The following ABCC6 variants were observed in gnomAD, a reference collection of about 807,000 sequenced individuals.
The protein encoded by ABCC6 is ATP binding cassette subfamily C member 6.
A neutral mutation model predicts 169.5 loss-of-function variants in ABCC6; 126 were observed. That is an observed-to-expected ratio of 0.74 (90% CI 0.64 to 0.86). The LOEUF (loss-of-function observed/expected upper bound fraction) is 0.86, where lower values mean the gene tolerates loss of function less well. Ranked by LOEUF, ABCC6 falls within the 40% of genes least tolerant of loss-of-function variation. The pLI, the probability that ABCC6 is intolerant of heterozygous loss-of-function variation, is 0.00. For synonymous variants in ABCC6, 752 were observed against 814.7 expected (o/e 0.92, Z 1.31); for missense variants, 1,733 against 1,927.2 (o/e 0.90, Z 1.89).
intron 4 of ABCC6, among the ~76,000 whole-genome samples, chr16:16,216,608 C>T (rs2048884731): frequency 6.6e-6 from 1 of 151,798 alleles, no homozygotes; most frequent in Non-Finnish European, 1.5e-5. Flanking sequence ...GCTTCCAAAT[C>T]TTGTTTATTG....
At chr16:16,211,781 C>T (rs988799529) in intron 6 of ABCC6, among the ~76,000 whole-genome samples, 1 of 152,114 alleles carries the variant, frequency 6.6e-6, no homozygotes, top group South Asian at 2.1e-4. Context: ...GGGCTTAGCA[C>T]ATAGTAGGTG....
chr16:16,162,845 T>G, intron 24 of ABCC6, 148 bp downstream of exon 24: 15 of 1,061,164 alleles, frequency 1.4e-5, no homozygotes, highest in East Asian at 2.4e-5. Flanking sequence ...CTGCCCACGG[T>G]GAGAACTGAT....
intron 7 of ABCC6, among the ~76,000 whole-genome samples, chr16:16,206,697 A>T (rs573658235): frequency 6.6e-6 from 1 of 152,018 alleles, no homozygotes; most frequent in South Asian, 2.1e-4. Context: ...AGGATTCTCA[A>T]ACTGTTCTGG....
intron 29 of ABCC6, among the ~76,000 whole-genome samples, chr16:16,154,057 T>G (rs887120325): frequency 6.6e-6 from 1 of 151,954 alleles, no homozygotes; most frequent in Non-Finnish European, 1.5e-5. Context: ...TCAAGCGTTC[T>G]TCCCACCTCA....
intron 7 of ABCC6, among the ~76,000 whole-genome samples, chr16:16,206,285 G>C: frequency 6.6e-6 from 1 of 152,094 alleles, no homozygotes; most frequent in East Asian, 1.9e-4. Flanking sequence ...AAGGCAGGGG[G>C]TATGCATGAG....
At chr16:16,195,515 G>A (rs2048007111) in intron 10 of ABCC6, among the ~76,000 whole-genome samples, 1 of 151,956 alleles carries the variant, frequency 6.6e-6, no homozygotes, top group African/African-American at 2.4e-5. Context: ...GTTTTGCCAT[G>A]TTGGCCAGGC....
In ABCC6 at chr16:16,219,326, G is replaced by A. The variant is rs575592394; in HGVS notation, c.474+228C>T. 7.2e-5 allele frequency among the ~76,000 whole-genome samples: 11 copies of A among 152,272 alleles called. No homozygotes were observed. The East Asian group carries it at 7.7e-4, about 11-fold the overall frequency. Reference sequence around the variant, plus strand: ...TGTGTGCATCGTGTGCAAGTGGCACGTGTGATGTGGGCCTGTAAGACAGGA... The same window carrying A: ...TGTGTGCATCGTGTGCAAGTGGCACATGTGATGTGGGCCTGTAAGACAGGA... On this transcript the variant is annotated intron_variant, in intron 4 of 30. Transcript: ENST00000205557.
chr16:16,152,859 C>T (rs1333245763), intron 29 of ABCC6, among the ~76,000 whole-genome samples: 1 of 151,960 alleles, frequency 6.6e-6, no homozygotes, highest in African/African-American at 2.4e-5. Flanking sequence ...CGGACACCCT[C>T]AGGGTCAGAG....
chr16:16,151,773 C>T (rs1007592893), intron 29 of ABCC6, among the ~76,000 whole-genome samples: 1 of 152,168 alleles, frequency 6.6e-6, no homozygotes, highest in Admixed American at 6.5e-5. Flanking sequence ...TACAGAGAAG[C>T]TCAGTGGCTT....
At chr16:16,176,707 G>A (rs928154096) in intron 19 of ABCC6, among the ~76,000 whole-genome samples, 6 of 152,300 alleles carry the variant, frequency 3.9e-5, no homozygotes, top group Admixed American at 3.9e-4. Flanking sequence ...GTAGAGGGTA[G>A]CAATTAAAAA....
chr16:16,211,600 C>T (rs1046952099), intron 6 of ABCC6, among the ~76,000 whole-genome samples: 7 of 152,180 alleles, frequency 4.6e-5, no homozygotes, highest in Admixed American at 1.3e-4. Context: ...AGTGGTAGGG[C>T]CAGGATTCAA....
At chr16:16,210,844 A>T (rs1420172668) in intron 6 of ABCC6, among the ~76,000 whole-genome samples, 2 of 152,190 alleles carry the variant, frequency 1.3e-5, no homozygotes, top group Non-Finnish European at 2.9e-5. Flanking sequence ...CTGTAATCCC[A>T]GCACTTTGGG....
intron 9 of ABCC6, among the ~76,000 whole-genome samples, chr16:16,201,015 G>A (rs2048219870): frequency 6.6e-6 from 1 of 152,024 alleles, no homozygotes; most frequent in Non-Finnish European, 1.5e-5. Context: ...TACCCAGGCT[G>A]CGCTGTAGTG....
chr16:16,166,012 C>A lies in ABCC6; in HGVS notation c.2996-79G>T. 4 of 1,427,336 alleles carry A rather than the reference C, an allele frequency of 2.8e-6. No individual in the cohort carries two copies. The East Asian group carries it at 9.7e-5, about 35-fold the overall frequency. The allele number at this position is 1,427,336 out of a possible 1,614,324, so 88.4% of individuals were successfully genotyped here. ...CCACGGGGCCCTGCGCAGGTCTCTC[C>A]CGCTACCCCATGGTGGACATCTTAT... On this transcript the variant is annotated intron_variant, in intron 22 of 30. Transcript: ENST00000205557.
At chr16:16,190,097 T>C in intron 12 of ABCC6, 67 bp downstream of exon 12, 1 of 1,573,474 alleles carries the variant, frequency 6.4e-7, no homozygotes. Flanking sequence ...TCCACCTACC[T>C]CACCCTGCCC....
At chr16:16,185,068 C>G in intron 14 of ABCC6, 34 bp from the exon 15 acceptor site, 5 of 1,597,386 alleles carry the variant, frequency 3.1e-6, no homozygotes, top group Non-Finnish European at 4.3e-6. Context: ...ACAGGAGACC[C>G]CTGACCTGGC....
chr16:16,190,495 C>G (rs1338678744), intron 11 of ABCC6, 128 bp from the exon 12 acceptor site: 10 of 992,162 alleles, frequency 1.0e-5, no homozygotes, highest in Non-Finnish European at 1.5e-5. Flanking sequence ...GTCTGCCTCT[C>G]AGCACCTCTG....
chr16:16,182,871 C>T lies in ABCC6; in HGVS notation c.2003G>A (p.Gly668Glu). 2.5e-6 allele frequency: 4 copies of T among 1,614,044 alleles called. No individual in the cohort carries two copies. Among genetic ancestry groups the T allele is most frequent in the Non-Finnish European group, 3.4e-6 (4 of 1,179,986 alleles). ...GAGGGCGGACAGCAGGGAGGACTTC[C>T]CTGCCCCCACTGGACCGACAACAGC... Reference protein sequence around the residue: ...LLAVVGPVGAGKSSLLSALLG... With the variant: ...LLAVVGPVGAEKSSLLSALLG... The change falls in exon 16 of 31, where the codon GGG becomes GAG. Residue 668 changes from glycine (G) to glutamate (E), a missense_variant. Physicochemically the swap from Gly to Glu is moderately conservative, Grantham distance 98. This residue lies in a region of ABCC6 where 1,601 missense variants were observed against 1,635.5 expected (regional missense o/e 0.98). Transcript: ENST00000205557.
At position 16,161,435 on chromosome 16, in the gene ABCC6, T is replaced by A. The variant is rs1267547751; in HGVS notation, c.3633+3A>T. The A allele has an allele frequency of 2.9e-5, 47 of 1,613,278 alleles. No homozygotes were observed. The highest frequency in any genetic ancestry group is 3.9e-5 in the Non-Finnish European group (46 of 1,179,914). ...AAGCCCAGTTTGGGGATGTGGGGAG[T>A]ACCTGGAGGGCAGCAGAGACAGAGA... On this transcript the variant is annotated splice_donor_region_variant and intron_variant, in intron 25 of 30. Transcript: ENST00000205557.
Sources: gnomAD v4.1 joint callset for allele counts (sites outside exome capture counted in the v4.1 genomes callset) on GRCh38, gnomAD v4.1.1 for gene constraint, gnomAD v4.1.1 regional missense constraint, MANE v1.5 for transcripts, NCBI Gene and HGNC (gene_info 2026-07-23, HGNC 2026-07-21) for gene names.